Variants in MAST4 observed in about 807,000 individuals in gnomAD.
MAST4 encodes microtubule-associated serine/threonine-protein kinase 4.
In MAST4, 89 loss-of-function variants were observed where a neutral mutation model predicts 162.7. The ratio of observed to expected loss-of-function variants is 0.55; its 90% CI spans 0.46 to 0.65. The LOEUF (loss-of-function observed/expected upper bound fraction) is 0.65. Among genes scored for constraint, MAST4 ranks in the 30% least tolerant of loss-of-function variants. The probability of loss-of-function intolerance (pLI) is 0.00; values close to 1 mark genes in which losing one functional copy is unlikely to be tolerated. For synonymous variants in MAST4, 1,479 were observed against 1,361.1 expected, an observed-to-expected ratio of 1.09 and a Z score of -1.91; for missense variants, 3,153 against 3,374.0, an observed-to-expected ratio of 0.93 and a Z score of 1.62.
intron 4 of MAST4, among the ~76,000 whole-genome samples, chr5:67,039,926 A>AT (rs1756508293): frequency 2.6e-5 from 4 of 151,242 alleles, no homozygotes; most frequent in Non-Finnish European, 5.9e-5. Flanking sequence ...TAAATATAAG[A>AT]TTTTTTACTG....
chr5:66,708,881 C>T (rs145879457), intron 1 of MAST4, among the ~76,000 whole-genome samples: 3 of 152,080 alleles, frequency 2.0e-5, no homozygotes, highest in Admixed American at 6.6e-5. Flanking sequence ...GCATTAAATG[C>T]TAAAATTCCT....
chr5:66,788,605 C>CCCCAAACAAAAAAAAAAAAAA, intron 2 of MAST4, 65 bp from the exon 3 acceptor site: 6 of 1,344,522 alleles, frequency 4.5e-6, no homozygotes, highest in East Asian at 2.7e-5. Flanking sequence ...CACCCCCACC[C>CCCCAAACAAAAAAAAAAAAAA]CCATTGCAAT....
intron 4 of MAST4, among the ~76,000 whole-genome samples, chr5:67,010,758 T>C (rs1752574060): frequency 6.6e-6 from 1 of 152,204 alleles, no homozygotes; most frequent in East Asian, 1.9e-4. Flanking sequence ...CCCCCAGCAC[T>C]CCACAGAGAG....
intron 4 of MAST4, chr5:66,964,141 C>A (rs1746358191): frequency 2.2e-6 from 1 of 458,282 alleles, no homozygotes; most frequent in East Asian, 6.4e-5. Context: ...TATTATAATA[C>A]CTGTTGCCTC....
intron 4 of MAST4, among the ~76,000 whole-genome samples, chr5:66,946,823 G>A (rs1409425380): frequency 2.0e-5 from 3 of 152,086 alleles, no homozygotes; most frequent in African/African-American, 4.8e-5. Flanking sequence ...AATGCATTAC[G>A]AGTCGGGAAT....
intron 5 of MAST4, among the ~76,000 whole-genome samples, chr5:67,087,290 G>A (rs1283230205): frequency 6.6e-6 from 1 of 151,994 alleles, no homozygotes; most frequent in Non-Finnish European, 1.5e-5. Flanking sequence ...TGCTTGGTTT[G>A]CCCACCAGAA....
intron 18 of MAST4, among the ~76,000 whole-genome samples, chr5:67,136,044 G>A (rs2151011756): frequency 6.6e-6 from 1 of 151,824 alleles, no homozygotes; most frequent in Non-Finnish European, 1.5e-5. Flanking sequence ...TTGTTTGTTT[G>A]TTTGTTTCTG....
At chr5:67,147,349 T>C (rs943033283) in intron 23 of MAST4, among the ~76,000 whole-genome samples, 3 of 152,184 alleles carry the variant, frequency 2.0e-5, no homozygotes, top group Non-Finnish European at 4.4e-5. Context: ...AAGGAACCCT[T>C]GACATTTAGA....
intron 14 of MAST4, among the ~76,000 whole-genome samples, chr5:67,128,467 G>T (rs977759052): frequency 4.6e-5 from 7 of 152,116 alleles, no homozygotes; most frequent in African/African-American, 1.7e-4. Context: ...GAAATGAGAA[G>T]AAAAATATGA....
At chr5:66,927,304 G>T (rs1283538585) in intron 4 of MAST4, among the ~76,000 whole-genome samples, 1 of 152,174 alleles carries the variant, frequency 6.6e-6, no homozygotes, top group Admixed American at 6.5e-5. Flanking sequence ...AATACCTCCA[G>T]ATATGTAATT....
intron 6 of MAST4, among the ~76,000 whole-genome samples, chr5:67,091,436 C>T (rs922099875): frequency 2.0e-5 from 3 of 152,124 alleles, no homozygotes; most frequent in Admixed American, 6.5e-5. Flanking sequence ...ACTGTTTTTA[C>T]CCCCAGCTCC....
At chr5:67,100,287 C>T (rs953920781) in intron 7 of MAST4, 148 bp from the exon 8 acceptor site, 2 of 723,070 alleles carry the variant, frequency 2.8e-6, no homozygotes, top group African/African-American at 3.6e-5. Flanking sequence ...TCAAGTTATA[C>T]ATTTAGGCAG....
At chr5:66,715,374 TTGA>T (rs1434201507) in intron 1 of MAST4, among the ~76,000 whole-genome samples, 2 of 152,104 alleles carry the variant, frequency 1.3e-5, no homozygotes, top group African/African-American at 4.8e-5. Context: ...ATGTAATGTG[TTGA>T]TGATTTTTTT....
At chr5:66,995,591 C>T (rs899270000) in intron 4 of MAST4, among the ~76,000 whole-genome samples, 4 of 152,106 alleles carry the variant, frequency 2.6e-5, no homozygotes, top group Admixed American at 6.5e-5. Flanking sequence ...TTAGTAGAGA[C>T]GGGGTTTCAC....
At chr5:66,727,023 G>T (rs1195502800) in intron 1 of MAST4, among the ~76,000 whole-genome samples, 1 of 152,164 alleles carries the variant, frequency 6.6e-6, no homozygotes. Flanking sequence ...GAGAGATAGT[G>T]ACCTTAGTTA....
At position 66,726,795 on chromosome 5, in the gene MAST4, C is replaced by T. The variant is rs149078217; in HGVS notation, c.364-32914C>T. On this transcript the variant is annotated intron_variant, in intron 1 of 28. Coordinates refer to ENST00000403625, the MANE Select transcript of MAST4 (RefSeq NM_001164664.2). ...GGAGTGTGAACCCTATTATGAACTG[C>T]GCATACGAGGGATCTAGGTTGTGTG... Among the ~76,000 whole-genome samples the T allele has an allele frequency of 6.6e-3, 1,002 of 152,170 alleles. 15 individuals are homozygous for T. The highest frequency in any genetic ancestry group is 0.023 in the African/African-American group (956 of 41,516).
intron 1 of MAST4, among the ~76,000 whole-genome samples, chr5:66,610,016 G>A (rs544650060): frequency 6.6e-6 from 1 of 152,110 alleles, no homozygotes; most frequent in East Asian, 1.9e-4. Context: ...GTGTTGGCAG[G>A]GATTAGGTTG....
chr5:66,863,244 C>T (rs1760243004), intron 3 of MAST4, among the ~76,000 whole-genome samples: 1 of 152,200 alleles, frequency 6.6e-6, no homozygotes, highest in African/African-American at 2.4e-5. Flanking sequence ...AGGAGAAAAA[C>T]TACTGTACAG....
chr5:66,973,038 C>T (rs1358792600), intron 4 of MAST4, among the ~76,000 whole-genome samples: 1 of 152,182 alleles, frequency 6.6e-6, no homozygotes, highest in Non-Finnish European at 1.5e-5. Flanking sequence ...TTAACACTTG[C>T]CACATTTGCT....
Sources: allele counts gnomAD v4.1 joint callset (sites outside exome capture counted in the v4.1 genomes callset), GRCh38; gene constraint gnomAD v4.1.1; transcripts MANE v1.5; gene names NCBI Gene and HGNC (gene_info 2026-07-23, HGNC 2026-07-21).